The following FSIP2 variants were observed in gnomAD, a reference collection of about 807,000 sequenced individuals.
FSIP2 encodes fibrous sheath interacting protein 2.
Under a neutral mutation model 510.5 loss-of-function variants are expected in FSIP2, and 367 were observed. The observed-to-expected ratio is 0.72, with a 90% CI of 0.66 to 0.78. The LOEUF is 0.78. Ranked by LOEUF, FSIP2 falls within the 30% of genes least tolerant of loss-of-function variation. The pLI is 0.00. For synonymous variants in FSIP2, 2,601 were observed against 2,732.2 expected, an observed-to-expected ratio of 0.95 and a Z score of 1.50; for missense variants, 7,594 against 7,901.7, an observed-to-expected ratio of 0.96 and a Z score of 1.48.
chr2:185,828,106 A>G, intron 20 of FSIP2, 50 bp from the exon 21 acceptor site: 2 of 988,150 alleles, frequency 2.0e-6, no homozygotes, highest in South Asian at 1.3e-5. Context: ...CAACAAATAT[A>G]CATGCCTCAG....
chr2:185,828,881 G>A (rs2193820), intron 21 of FSIP2, among the ~76,000 whole-genome samples: 147,435 of 151,944 alleles, frequency 0.97, 71,611 homozygotes, highest in Middle Eastern at 1. Context: ...TAAGCTATCA[G>A]TTATGGAGTT....
chr2:185,756,234 T>C lies in FSIP2; in HGVS notation c.1034T>C (p.Leu345Ser), dbSNP rs949379182. The C allele has an allele frequency of 3.7e-6, 5 of 1,349,274 alleles. No homozygotes were observed. The East Asian group carries it at 1.3e-4, about 34-fold the overall frequency. The allele number at this position is 1,349,274 out of a possible 1,614,324, so 83.6% of individuals were successfully genotyped here. A position where few individuals can be genotyped will look rare whatever the true frequency, so the allele number is the denominator to read the frequency against. ...NKKKTSEDIMLVYPAGDQNTY... is the reference protein window; with the variant it reads ...NKKKTSEDIMSVYPAGDQNTY... ...AAGAAGACTTCTGAAGATATAATGT[T>C]AGTTTATCCTGCTGGAGACCAGAAT... Residue 345 changes from leucine to serine, a missense_variant, in exon 9 of 23, where the codon TTA becomes TCA. Coordinates refer to ENST00000424728, the MANE Select transcript of FSIP2 (RefSeq NM_173651.4).
Position 185,805,099 on chromosome 2 carries a change from G to C in FSIP2, c.15793G>C (p.Glu5265Gln). ...CTCTGAACTTGCTAAATCTGGTAAA[G>C]AAAAGACACAGCCTTCTCTCTATTC... ...HVSELAKSGK[E>Q]KTQPSLYSAT... Residue 5265 changes from glutamate to glutamine, a missense_variant, in exon 17 of 23, where the codon GAA becomes CAA. By Grantham distance (29) the Glu-to-Gln change is conservative. Transcript: ENST00000424728. 4 of 1,606,334 alleles carry C rather than the reference G, an allele frequency of 2.5e-6. No homozygotes were observed. The highest frequency in any genetic ancestry group is 3.3e-4 in the Middle Eastern group (2 of 6,012).
Position 185,806,495 on chromosome 2 carries a change from CA to C in FSIP2, c.17191del (p.Thr5731GlnfsTer27). 3.7e-6 allele frequency: 6 copies of C among 1,600,858 alleles called. No homozygotes were observed. Among genetic ancestry groups the C allele is most frequent in the Non-Finnish European group, 4.3e-6 (5 of 1,175,986 alleles). On this transcript the variant is annotated frameshift_variant, in exon 17 of 23. Transcript: ENST00000424728. LOFTEE classifies it high-confidence loss of function. ...EISRDSAQSV[T>X]TKKVSSSTNK... ...AGCAGGGATTCGGCACAGTCTGTTA[CA>C]ACAAAAAAAGTATCCTCCTCAACTA...
chr2:185,779,105 C>A (rs1324921200), intron 13 of FSIP2, among the ~76,000 whole-genome samples: 1 of 151,948 alleles, frequency 6.6e-6, no homozygotes, highest in Admixed American at 6.6e-5. Flanking sequence ...CAATCTACAG[C>A]TGGATTTTGC....
chr2:185,739,434 G>A lies in FSIP2; in HGVS notation c.188G>A (p.Ser63Asn), dbSNP rs1322307455. The A allele has an allele frequency of 2.0e-6, 3 of 1,534,600 alleles. No homozygotes were observed. Among genetic ancestry groups the A allele is most frequent in the Non-Finnish European group, 2.6e-6 (3 of 1,146,298 alleles). Residue 63 changes from serine to asparagine, a missense_variant, in exon 2 of 23, where the codon AGC becomes AAC. By Grantham distance (46) the Ser-to-Asn change is conservative (BLOSUM62 1). Transcript: ENST00000424728. The stretch of plus-strand genomic sequence containing the variant: ...GTCAAGCTGCCTGTGATCCCAGGAA[G>A]CAATGCTGTATTCTATACTACGAAT... The part of the protein sequence containing the change: ...LGVKLPVIPG[S>N]NAVFYTTNFG...
rs1559025728 is a variant in FSIP2 at position 185,790,361 on chromosome 2, T to C, written c.3225T>C (p.Thr1075=). The change falls in exon 16 of 23, where the codon ACT becomes ACC. Residue 1075 remains threonine, a synonymous_variant. Coordinates refer to ENST00000424728, the MANE Select transcript of FSIP2 (RefSeq NM_173651.4). ...AATTAAAGACTGAGCCACCATCTAC[T>C]AATCATGAAGATATTTTAAAGAAAA... ...DWELKTEPPS[T]NHEDILKKKL... The C allele has an allele frequency of 6.5e-7, 1 of 1,531,652 alleles. No homozygotes were observed. Among genetic ancestry groups the C allele is most frequent in the South Asian group, 1.2e-5 (1 of 83,210 alleles). 94.9% of individuals were successfully genotyped at this position (1,531,652 alleles called of 1,614,324 possible).
chr2:185,760,532 CTAAA>C (rs1296530567), intron 9 of FSIP2, among the ~76,000 whole-genome samples: 3 of 147,318 alleles, frequency 2.0e-5, no homozygotes, highest in Admixed American at 6.8e-5. Context: ...AACAAGTAAA[CTAAA>C]TAAATATTTA....
At position 185,803,815 on chromosome 2, in the gene FSIP2, A is replaced by G; in HGVS notation, c.14509A>G (p.Ile4837Val). The change falls in exon 17 of 23, where the codon ATT becomes GTT. Residue 4837 changes from isoleucine to valine, a missense_variant. Ile to Val is a conservative substitution (Grantham distance 29, BLOSUM62 3). Coordinates refer to ENST00000424728, the MANE Select transcript of FSIP2 (RefSeq NM_173651.4). ...ACTGATAAATGAAATTATGTCAATA[A>G]TTTCAAAACATGAAATATGTATTAT... Reference protein sequence around the residue: ...IKLINEIMSIISKHEICIIKY... With the variant: ...IKLINEIMSIVSKHEICIIKY... The G allele has an allele frequency of 6.6e-7, 1 of 1,508,278 alleles. No homozygotes were observed. Among genetic ancestry groups the G allele is most frequent in the Non-Finnish European group, 8.8e-7 (1 of 1,131,324 alleles). The allele number at this position is 1,508,278 out of a possible 1,614,324, so 93.4% of individuals were successfully genotyped here.
At position 185,795,995 on chromosome 2, in the gene FSIP2, T is replaced by A. The variant is rs919989076; in HGVS notation, c.8859T>A (p.Thr2953=). The A allele has an allele frequency of 7.2e-6, 11 of 1,534,280 alleles. No individual in the cohort carries two copies. The highest frequency in any genetic ancestry group is 1.4e-5 in the African/African-American group (1 of 72,894). Residue 2953 remains threonine, a synonymous_variant, in exon 16 of 23, where the codon ACT becomes ACA. Coordinates refer to ENST00000424728, the MANE Select transcript of FSIP2 (RefSeq NM_173651.4). ...TATCAAACAGTAAAGAACACATTAC[T>A]GCTAAAAGTAAATATGGTTTTCCAA... The part of the protein sequence containing the change: ...ETLSNSKEHI[T]AKSKYGFPNK...
Position 185,795,885 on chromosome 2 carries a change from G to C in FSIP2, c.8749G>C (p.Gly2917Arg). The C allele has an allele frequency of 6.5e-7, 1 of 1,533,342 alleles. No homozygotes were observed. The highest frequency in any genetic ancestry group is 8.7e-7 in the Non-Finnish European group (1 of 1,145,586). 95.0% of individuals were successfully genotyped at this position (1,533,342 alleles called of 1,614,324 possible). ...EDTKAQINMF[G>R]REIVEMLLEK... Reference sequence around the variant, plus strand: ...TACTAAAGCACAAATTAATATGTTTGGAAGGGAAATTGTTGAAATGCTACT... The same window carrying C: ...TACTAAAGCACAAATTAATATGTTTCGAAGGGAAATTGTTGAAATGCTACT... The change falls in exon 16 of 23, where the codon GGA (glycine) becomes CGA (arginine). Residue 2917 changes from glycine to arginine, a missense_variant. Coordinates refer to ENST00000424728, the MANE Select transcript of FSIP2 (RefSeq NM_173651.4).
At chr2:185,825,224 T>C (rs1693994353) in intron 20 of FSIP2, among the ~76,000 whole-genome samples, 1 of 151,834 alleles carries the variant, frequency 6.6e-6, no homozygotes. Context: ...TCTGTGAACA[T>C]ATCATAGGTT....
rs1278739680 is a variant in FSIP2 at position 185,796,734 on chromosome 2, T to C, written c.9598T>C (p.Tyr3200His). 1 of 1,534,940 alleles carries C rather than the reference T, an allele frequency of 6.5e-7. No homozygotes were observed. Among genetic ancestry groups the C allele is most frequent in the Non-Finnish European group, 8.7e-7 (1 of 1,146,250 alleles). Residue 3200 changes from tyrosine (Y) to histidine (H), a missense_variant, in exon 16 of 23, where the codon TAC becomes CAC. Tyr to His is a moderately conservative substitution (Grantham distance 83). Transcript: ENST00000424728. ...TTCAGATGAAGATATGAAAGAAAAG[T>C]ACAGGGTTTCATCAGATTTACCCAC... Reference protein sequence around the residue: ...FCSDEDMKEKYRVSSDLPTSV... With the variant: ...FCSDEDMKEKHRVSSDLPTSV...
Position 185,793,419 on chromosome 2 carries a change from G to T in FSIP2, c.6283G>T (p.Glu2095Ter). The change falls in exon 16 of 23, where the codon GAA becomes TAA. Residue 2095 changes from glutamate (E) to a stop codon, truncating the protein, a stop_gained. Coordinates refer to ENST00000424728, the MANE Select transcript of FSIP2 (RefSeq NM_173651.4). LOFTEE classifies it high-confidence loss of function. Reference sequence around the variant, plus strand: ...TCAACTTCAAATACAAGATACCATTGAAGGTATCCTATGTGATATTTATGA... The same window carrying T: ...TCAACTTCAAATACAAGATACCATTTAAGGTATCCTATGTGATATTTATGA... ...VLQLQIQDTIEGILCDIYEKT... is the reference protein window; with the variant it reads ...VLQLQIQDTI 1 of 1,532,794 alleles carries T rather than the reference G, an allele frequency of 6.5e-7. No homozygotes were observed. 94.9% of individuals were successfully genotyped at this position (1,532,794 alleles called of 1,614,324 possible).
At chr2:185,785,461 GGCC>G (rs1692950170) in intron 14 of FSIP2, among the ~76,000 whole-genome samples, 2 of 152,064 alleles carry the variant, frequency 1.3e-5, no homozygotes, top group South Asian at 4.1e-4. Context: ...GTAGAGTGCA[GGCC>G]TAGAAAGGAG....
At chr2:185,823,307 A>T (rs1401528444) in intron 19 of FSIP2, among the ~76,000 whole-genome samples, 1 of 151,894 alleles carries the variant, frequency 6.6e-6, no homozygotes, top group Non-Finnish European at 1.5e-5. Context: ...TTTGCAAATT[A>T]TACATCTAGT....
At position 185,800,903 on chromosome 2, in the gene FSIP2, T is replaced by C. The variant is rs375191785; in HGVS notation, c.11597T>C (p.Leu3866Pro). ...AGCATACAACAAGCTCCGGAAAGTC[T>C]ACCTTTTGCAAATAAGCATTTGAAC... ...SHSIQQAPES[L>P]PFANKHLNYR... The change falls in exon 17 of 23, where the codon CTA becomes CCA. Residue 3866 changes from leucine to proline, a missense_variant. Transcript: ENST00000424728. The C allele has an allele frequency of 2.4e-5, 37 of 1,533,182 alleles. No homozygotes were observed. In the East Asian group the frequency reaches 4.9e-4, roughly 20 times the overall value. The allele number at this position is 1,533,182 out of a possible 1,614,324, so 95.0% of individuals were successfully genotyped here.
At chr2:185,746,612 T>C (rs1692038642) in intron 5 of FSIP2, 57 bp from the exon 6 acceptor site, 5 of 1,341,738 alleles carry the variant, frequency 3.7e-6, no homozygotes, top group East Asian at 5.1e-5. Flanking sequence ...TAGCAGATGA[T>C]GCCATCATAA....
At chr2:185,741,212 T>G (rs1451234666) in intron 2 of FSIP2, among the ~76,000 whole-genome samples, 3 of 152,246 alleles carry the variant, frequency 2.0e-5, no homozygotes, top group Non-Finnish European at 2.9e-5. Flanking sequence ...ATTAATTCAC[T>G]TGTCTACTAC....
Sources: allele counts gnomAD v4.1 joint callset (sites outside exome capture counted in the v4.1 genomes callset), GRCh38; gene constraint gnomAD v4.1.1; transcripts MANE v1.5; gene names NCBI Gene and HGNC (gene_info 2026-07-23, HGNC 2026-07-21).